Variants in SNRPN observed in about 807,000 individuals in gnomAD.
SNRPN encodes the protein small nuclear ribonucleoprotein-associated protein N.
SNRPN carries 7 observed loss-of-function variants against 25.2 expected under a neutral mutation model. The observed-to-expected ratio is 0.28, with a 90% CI of 0.16 to 0.52. The LOEUF (loss-of-function observed/expected upper bound fraction) is 0.52, where lower values mean the gene tolerates loss of function less well. Among genes scored for constraint, SNRPN ranks in the 20% least tolerant of loss-of-function variants. The pLI, the probability that SNRPN is intolerant of heterozygous loss-of-function variation, is 0.96. For missense variants in SNRPN, 196 were observed against 322.5 expected (o/e 0.61, Z 3.00); for synonymous variants, 124 against 110.6 (o/e 1.12, Z -0.76).
At chr15:24,830,993 G>A (rs1261735347) in intron 2 of SNRPN, among the ~76,000 whole-genome samples, 1 of 151,958 alleles carries the variant, frequency 6.6e-6, no homozygotes, top group Non-Finnish European at 1.5e-5. Context: ...TTTCTGCTTG[G>A]TGGATCTGTC....
chr15:24,869,669 G>A (rs960796814), intron 1 of SNRPN, among the ~76,000 whole-genome samples: 62 of 152,158 alleles, frequency 4.1e-4, no homozygotes, highest in African/African-American at 1.3e-3. Context: ...TATCACGGGT[G>A]TCTACTATCA....
intron 2 of SNRPN, among the ~76,000 whole-genome samples, chr15:24,842,966 T>C (rs570223778): frequency 2.9e-4 from 44 of 152,342 alleles, no homozygotes; most frequent in African/African-American, 1.0e-3. Context: ...CTGTATGTAA[T>C]CTTTCAGTAA....
chr15:24,882,217 C>G lies in SNRPN; in HGVS notation c.-578-4299C>G, dbSNP rs546508475. ...TTCCAGGCTTGTAATCTCTAACTTT[C>G]ATTTTTGCTACAAAGCCTTTAAAAA... On this transcript the variant is annotated intron_variant, in intron 1 of 11. Transcript: ENST00000400097. 1.2e-4 allele frequency among the ~76,000 whole-genome samples: 17 copies of G among 147,512 alleles called. No individual in the cohort carries two copies. In the South Asian group the frequency reaches 3.5e-3, roughly 31 times the overall value.
chr15:24,923,634 T>G (rs2060169115), intron 3 of SNRPN, among the ~76,000 whole-genome samples: 3 of 152,144 alleles, frequency 2.0e-5, no homozygotes, highest in Admixed American at 6.5e-5. Context: ...AAATAAAAAA[T>G]AATGAACTGT....
intron 2 of SNRPN, among the ~76,000 whole-genome samples, chr15:24,839,860 T>C (rs745377583): frequency 6.6e-6 from 1 of 151,402 alleles, no homozygotes; most frequent in Non-Finnish European, 1.5e-5. Flanking sequence ...GCTGGTCACA[T>C]GTGGTCCTAG....
At chr15:24,858,551 C>T (rs2053652743) in intron 1 of SNRPN, among the ~76,000 whole-genome samples, 1 of 151,794 alleles carries the variant, frequency 6.6e-6, no homozygotes, top group African/African-American at 2.4e-5. Context: ...AATCCCAGCA[C>T]TTTGGGAGGC....
intron 1 of SNRPN, among the ~76,000 whole-genome samples, chr15:24,867,391 G>A (rs972524914): frequency 3.5e-4 from 52 of 148,356 alleles, no homozygotes; most frequent in African/African-American, 1.1e-3. Flanking sequence ...TTTTTTTTGG[G>A]GGGGACGGAG....
In SNRPN at chr15:24,978,418, C is replaced by T; in HGVS notation, c.697C>T (p.Pro233Ser). 6.2e-7 allele frequency: 1 copy of T among 1,613,902 alleles called. No individual in the cohort carries two copies. Among genetic ancestry groups the T allele is most frequent in the African/African-American group, 1.3e-5 (1 of 74,994 alleles). Residue 233 changes from proline to serine, a missense_variant, in exon 10 of 10, where the codon CCA (proline) becomes TCA (serine). Transcript: ENST00000390687. ...PPPGIRGPPP[P>S]GMRPPRP Reference sequence around the variant, plus strand: ...TATTTCCTTTCCAGGTCCACCTCCCCCAGGAATGCGTCCACCAAGACCTTA... The same window carrying T: ...TATTTCCTTTCCAGGTCCACCTCCCTCAGGAATGCGTCCACCAAGACCTTA...
At chr15:24,943,209 CAAAAT>C (rs1235712344) in intron 3 of SNRPN, among the ~76,000 whole-genome samples, 5 of 152,206 alleles carry the variant, frequency 3.3e-5, no homozygotes, top group Admixed American at 3.3e-4. Context: ...TCCTTCCAAA[CAAAAT>C]AAACAACCAG....
At chr15:24,853,751 A>G (rs1355544096), upstream of SNRPN, among the ~76,000 whole-genome samples, 1 of 152,142 alleles carries the variant, frequency 6.6e-6, no homozygotes, top group Admixed American at 6.5e-5. Flanking sequence ...CATCATACCA[A>G]TGTTACATAC....
chr15:24,826,468 G>GT (rs1236842328), intron 1 of SNRPN, among the ~76,000 whole-genome samples: 1 of 152,038 alleles, frequency 6.6e-6, no homozygotes, highest in African/African-American at 2.4e-5. Flanking sequence ...ATCATTCCAC[G>GT]TAATTTACCC....
chr15:24,896,735 CT>C (rs2058103911), intron 2 of SNRPN, among the ~76,000 whole-genome samples: 1 of 151,962 alleles, frequency 6.6e-6, no homozygotes, highest in African/African-American at 2.4e-5. Flanking sequence ...GCTCCTAGGC[CT>C]TCCCTGATGT....
chr15:24,956,407 G>GGT (rs2062903712), intron 1 of SNRPN, among the ~76,000 whole-genome samples: 2 of 152,086 alleles, frequency 1.3e-5, no homozygotes, highest in South Asian at 4.2e-4. Context: ...GGGGGCAGGT[G>GGT]GTGTGTGTTC....
chr15:24,972,923 T>G (rs2076609096), intron 3 of SNRPN, among the ~76,000 whole-genome samples: 1 of 152,144 alleles, frequency 6.6e-6, no homozygotes, highest in Non-Finnish European at 1.5e-5. Context: ...AGTCTTGCTC[T>G]GTTGCCCAGG....
chr15:24,962,975 G>A (rs1197730816), intron 2 of SNRPN, among the ~76,000 whole-genome samples: 4 of 147,584 alleles, frequency 2.7e-5, no homozygotes, highest in East Asian at 2.0e-4. Flanking sequence ...TGCATAAAAA[G>A]TAAGTCTCAT....
At chr15:24,880,338 C>G (rs945198047) in intron 1 of SNRPN, among the ~76,000 whole-genome samples, 1 of 152,106 alleles carries the variant, frequency 6.6e-6, no homozygotes, top group Non-Finnish European at 1.5e-5. Flanking sequence ...ATTCTTCACT[C>G]TTGAGTTCCG....
intron 6 of SNRPN, among the ~76,000 whole-genome samples, chr15:24,976,667 T>A (rs2077092438): frequency 6.6e-6 from 1 of 152,224 alleles, no homozygotes; most frequent in Non-Finnish European, 1.5e-5. Context: ...GGTATGTTTA[T>A]AAAAGAGGTG....
intron 2 of SNRPN, among the ~76,000 whole-genome samples, chr15:24,895,643 T>C (rs1323806397): frequency 3.3e-5 from 5 of 152,154 alleles, no homozygotes; most frequent in African/African-American, 7.2e-5. Context: ...ATAAGAATGC[T>C]AAACAGTATA....
At chr15:24,829,996 G>T (rs61709480) in intron 2 of SNRPN, 19,727 of 152,084 alleles carry the variant, frequency 0.13, 1,499 homozygotes, top group African/African-American at 0.19. Context: ...AGTGGGTGTT[G>T]ATGAAATTAT....
Sources: gnomAD v4.1 joint callset for allele counts (sites outside exome capture counted in the v4.1 genomes callset) on GRCh38, gnomAD v4.1.1 for gene constraint, MANE v1.5 for transcripts, NCBI Gene and HGNC (gene_info 2026-07-23, HGNC 2026-07-21) for gene names.